PAX7: variants seen among roughly 807,000 people sequenced by gnomAD.
PAX7 encodes the protein paired box protein Pax-7.
PAX7 carries 18 observed loss-of-function variants against 50.7 expected under a neutral mutation model. The ratio of observed to expected loss-of-function variants is 0.36; its 90% confidence interval spans 0.25 to 0.53. The LOEUF is 0.53. Among genes scored for constraint, PAX7 ranks in the 20% least tolerant of loss-of-function variants. The probability of loss-of-function intolerance (pLI) is 0.93; values close to 1 mark genes in which losing one functional copy is unlikely to be tolerated. For synonymous variants in PAX7, 310 were observed against 290.4 expected (o/e 1.07, Z -0.69); for missense variants, 644 against 702.9 (o/e 0.92, Z 0.95).
chr1:18,646,273 T>A (rs1362981449), intron 4 of PAX7, among the ~76,000 whole-genome samples: 1 of 136,196 alleles, frequency 7.3e-6, no homozygotes, highest in African/African-American at 2.6e-5. Flanking sequence ...CAAATTAGGT[T>A]CTGGTTGGGA....
intron 4 of PAX7, among the ~76,000 whole-genome samples, chr1:18,638,790 T>C (rs969212213): frequency 7.9e-5 from 12 of 152,240 alleles, no homozygotes; most frequent in African/African-American, 2.9e-4. Context: ...GTTTCCTATT[T>C]GAGTTCCTGG....
intron 7 of PAX7, among the ~76,000 whole-genome samples, chr1:18,728,925 A>G (rs544412591): frequency 1.7e-4 from 26 of 151,974 alleles, no homozygotes; most frequent in Non-Finnish European, 3.7e-4. Flanking sequence ...GTGGACAGTC[A>G]AGACGGAGAA....
At chr1:18,654,725 T>G (rs951864170) in intron 4 of PAX7, among the ~76,000 whole-genome samples, 5 of 152,274 alleles carry the variant, frequency 3.3e-5, no homozygotes, top group African/African-American at 1.2e-4. Context: ...CTTGGAATTC[T>G]GGAGGATTTA....
intron 4 of PAX7, among the ~76,000 whole-genome samples, chr1:18,671,888 G>C (rs1005929050): frequency 6.6e-6 from 1 of 151,884 alleles, no homozygotes; most frequent in African/African-American, 2.4e-5. Flanking sequence ...GAGGCAGGAG[G>C]ATCACTTAAG....
At position 18,635,120 on chromosome 1, in the gene PAX7, A is replaced by G; in HGVS notation, c.331A>G (p.Thr111Ala). The change falls in exon 3 of 9, where the codon ACT becomes GCT. Residue 111 changes from threonine (T) to alanine (A), a missense_variant. Transcript: ENST00000420770. ...IGGSKPRQVA[T>A]PDVEKKIEEY... is the part of the protein sequence containing the mutation. ...ACCTCCACCTCTGAAGCAGGTGGCG[A>G]CTCCGGATGTAGAGAAAAAGATTGA... The G allele has an allele frequency of 6.2e-7, 1 of 1,613,460 alleles. No individual in the cohort carries two copies. Among genetic ancestry groups the G allele is most frequent in the South Asian group, 1.1e-5 (1 of 90,976 alleles).
In PAX7 at chr1:18,643,358, A is replaced by G. The variant is rs554991088; in HGVS notation, c.586+6987A>G. Among the ~76,000 whole-genome samples the G allele has an allele frequency of 4.8e-3, 735 of 152,070 alleles. 3 individuals are homozygous for G. Among genetic ancestry groups the G allele is most frequent in the African/African-American group, 0.017 (690 of 41,494 alleles). On this transcript the variant is annotated intron_variant, in intron 4 of 8. Coordinates refer to ENST00000420770, the MANE Select transcript of PAX7 (RefSeq NM_001135254.2). ...TGGGCCCGAGCTCCGGTGGAGACCAAGGGAGGGGTGGGGAGAGGCAGCGGA... is the reference window on the plus strand; with the variant it reads ...TGGGCCCGAGCTCCGGTGGAGACCAGGGGAGGGGTGGGGAGAGGCAGCGGA...
intron 7 of PAX7, among the ~76,000 whole-genome samples, chr1:18,720,831 A>G (rs2089484165): frequency 6.6e-6 from 1 of 152,100 alleles, no homozygotes; most frequent in Middle Eastern, 3.4e-3. Context: ...GGGTGGGGCC[A>G]GGAGAGGAAG....
intron 7 of PAX7, among the ~76,000 whole-genome samples, chr1:18,722,241 T>TG (rs1302460770): frequency 6.6e-6 from 1 of 151,610 alleles, no homozygotes; most frequent in Non-Finnish European, 1.5e-5. Flanking sequence ...AGGTTGGAGT[T>TG]GGGGTGCATG....
chr1:18,644,164 G>A (rs1273592773), intron 4 of PAX7, among the ~76,000 whole-genome samples: 1 of 152,206 alleles, frequency 6.6e-6, no homozygotes, highest in East Asian at 1.9e-4. Flanking sequence ...AAGGCTTAGT[G>A]CAACTCCGGG....
intron 4 of PAX7, among the ~76,000 whole-genome samples, chr1:18,649,538 CG>C (rs2088399673): frequency 6.6e-6 from 1 of 152,022 alleles, no homozygotes; most frequent in Admixed American, 6.5e-5. Context: ...CCCCCTCCCC[CG>C]TTCTTCATAA....
At chr1:18,644,834 T>A (rs2088313137) in intron 4 of PAX7, among the ~76,000 whole-genome samples, 1 of 152,228 alleles carries the variant, frequency 6.6e-6, no homozygotes, top group African/African-American at 2.4e-5. Context: ...CTCCCCCTTT[T>A]ACCTATACCA....
At position 18,735,946 on chromosome 1, in the gene PAX7, G is replaced by C. The variant is rs2089707899; in HGVS notation, c.1402+68G>C. On this transcript the variant is annotated intron_variant, in intron 8 of 8. Coordinates refer to ENST00000420770, the MANE Select transcript of PAX7 (RefSeq NM_001135254.2). This position sits in a 1 kb window ranked among gnomAD's most constrained non-coding sequence, Gnocchi z 4.0. ...CTCCCACCCCCAGGGCCTCCTGCTT[G>C]TTTATGGAGAGCTACAAGGTGGTGT... 6.2e-7 allele frequency: 1 copy of C among 1,613,800 alleles called. No individual in the cohort carries two copies. The highest frequency in any genetic ancestry group is 1.3e-5 in the African/African-American group (1 of 74,892).
At chr1:18,738,605 A>C (rs1570248693) in intron 8 of PAX7, among the ~76,000 whole-genome samples, 3 of 128,140 alleles carry the variant, frequency 2.3e-5, no homozygotes, top group East Asian at 2.2e-4. Context: ...TCCTCCTGTC[A>C]CTCCCCTTCC....
rs1233016020 is a variant in PAX7, at chr1:18,631,623, C to T, written c.20C>T (p.Thr7Met). Residue 7 changes from threonine to methionine, a missense_variant, in exon 1 of 9, where the codon ACG becomes ATG. By Grantham distance (81) the Thr-to-Met change is moderately conservative (BLOSUM62 -1). Coordinates refer to ENST00000420770, the MANE Select transcript of PAX7 (RefSeq NM_001135254.2). Reference protein sequence around the residue: MAALPGTVPRMMRPAPG... With the variant: MAALPGMVPRMMRPAPG... ...GCAAGAATGGCGGCCCTTCCCGGCA[C>T]GGTACCGAGAATGATGCGGCCGGCT... is the stretch of plus-strand genomic sequence containing the variant. 35 of 1,612,636 alleles carry T rather than the reference C, an allele frequency of 2.2e-5. No individual in the cohort carries two copies. Among genetic ancestry groups the T allele is most frequent in the Non-Finnish European group, 2.8e-5 (33 of 1,179,812 alleles).
chr1:18,678,879 C>T (rs926385235), intron 4 of PAX7, among the ~76,000 whole-genome samples: 4 of 152,180 alleles, frequency 2.6e-5, no homozygotes, highest in Non-Finnish European at 4.4e-5. Context: ...TGGCATGGCA[C>T]GCTCAGAAGT....
chr1:18,670,169 T>A (rs1421313781), intron 4 of PAX7, among the ~76,000 whole-genome samples: 1 of 151,684 alleles, frequency 6.6e-6, no homozygotes, highest in Non-Finnish European at 1.5e-5. Context: ...CTGATGAGGA[T>A]TTCTCTGCAT....
chr1:18,691,488 T>C (rs2089069069), intron 4 of PAX7, among the ~76,000 whole-genome samples: 1 of 152,212 alleles, frequency 6.6e-6, no homozygotes, highest in Non-Finnish European at 1.5e-5. Flanking sequence ...TGTTTGTTTG[T>C]TTGTTTTTCC....
At chr1:18,691,979 G>A (rs1440805201) in intron 5 of PAX7, 26 bp downstream of exon 5, 1 of 1,599,258 alleles carries the variant, frequency 6.3e-7, no homozygotes, top group African/African-American at 1.3e-5. Context: ...CGGTGTCGGT[G>A]CTGCAGATAT....
intron 6 of PAX7, among the ~76,000 whole-genome samples, chr1:18,701,336 G>A (rs1481236156): frequency 2.0e-5 from 3 of 152,112 alleles, no homozygotes; most frequent in Non-Finnish European, 4.4e-5. Context: ...GCATGAGTGT[G>A]TGCGTGTGAG....
Sources: gnomAD v4.1 joint callset for allele counts (sites outside exome capture counted in the v4.1 genomes callset) on GRCh38, gnomAD v4.1.1 for gene constraint, Gnocchi (gnomAD v3.1) non-coding constraint, MANE v1.5 for transcripts, NCBI Gene and HGNC (gene_info 2026-07-23, HGNC 2026-07-21) for gene names.